The following OSBPL1A variants were observed in gnomAD, a reference collection of about 807,000 sequenced individuals.
OSBPL1A encodes the protein oxysterol-binding protein-related protein 1.
In OSBPL1A, 80 loss-of-function variants were observed where a neutral mutation model predicts 137.1. The observed-to-expected ratio is 0.58, with a 90% CI of 0.49 to 0.70. The LOEUF is 0.70. OSBPL1A is among the 30% of genes least tolerant of loss of function. The probability of loss-of-function intolerance (pLI) is 0.00; values close to 1 mark genes in which losing one functional copy is unlikely to be tolerated. For synonymous variants in OSBPL1A, 365 were observed against 389.7 expected (o/e 0.94, Z 0.75); for missense variants, 970 against 1,129.4 (o/e 0.86, Z 2.02).
intron 1 of OSBPL1A, among the ~76,000 whole-genome samples, chr18:24,382,234 TAAAA>T (rs549411882): frequency 8.5e-5 from 10 of 117,694 alleles, no homozygotes; most frequent in Admixed American, 1.7e-4. Flanking sequence ...ACGTCTCTAC[TAAAA>T]AAAAAAAAAA....
intron 18 of OSBPL1A, among the ~76,000 whole-genome samples, chr18:24,185,809 C>T (rs954619781): frequency 6.6e-6 from 1 of 152,156 alleles, no homozygotes; most frequent in African/African-American, 2.4e-5. Flanking sequence ...TGGTGGCTCA[C>T]ATGTGTAATC....
chr18:24,167,757 G>A (rs970167372), intron 24 of OSBPL1A, among the ~76,000 whole-genome samples: 6 of 152,210 alleles, frequency 3.9e-5, no homozygotes, highest in African/African-American at 1.2e-4. Context: ...GCGCAATGAT[G>A]AAATCACCTA....
rs2086027988 is a variant in OSBPL1A, at chr18:24,162,084, A to AGAT, written c.*1092_*1094dup. The AGAT allele has an allele frequency of 6.6e-6, 1 of 152,326 alleles. No individual in the cohort carries two copies. Among genetic ancestry groups the AGAT allele is most frequent in the Non-Finnish European group, 1.5e-5 (1 of 68,108 alleles). The allele number at this position is 152,326 out of a possible 1,614,324, so 9.4% of individuals were successfully genotyped here. On this transcript the variant is annotated 3_prime_UTR_variant, in exon 28 of 28. Coordinates refer to ENST00000319481, the MANE Select transcript of OSBPL1A (RefSeq NM_080597.4). ...CTAAAGCCTTTATTTAGCATCAGGTAGATTATTTCATTATAACACTTGTTA... is the reference window on the plus strand; with the variant it reads ...CTAAAGCCTTTATTTAGCATCAGGTAGATGATTATTTCATTATAACACTTGTTA...
chr18:24,222,133 TAA>T (rs1162759074), intron 17 of OSBPL1A, among the ~76,000 whole-genome samples: 2 of 152,204 alleles, frequency 1.3e-5, no homozygotes, highest in Non-Finnish European at 2.9e-5. Flanking sequence ...TCAAGTAGTT[TAA>T]GTTTTAACCA....
At chr18:24,351,418 C>T in intron 4 of OSBPL1A, among the ~76,000 whole-genome samples, 1 of 145,468 alleles carries the variant, frequency 6.9e-6, no homozygotes, top group South Asian at 2.2e-4. Context: ...AATTACATGA[C>T]ATATATGATC....
At chr18:24,333,512 G>C (rs1363420062) in intron 6 of OSBPL1A, among the ~76,000 whole-genome samples, 1 of 152,184 alleles carries the variant, frequency 6.6e-6, no homozygotes, top group Admixed American at 6.5e-5. Flanking sequence ...TGAATTTGTT[G>C]TTCCCAACTT....
intron 4 of OSBPL1A, among the ~76,000 whole-genome samples, chr18:24,342,599 C>G (rs1197889858): frequency 1.3e-5 from 2 of 152,130 alleles, no homozygotes; most frequent in Non-Finnish European, 2.9e-5. Context: ...CCATGACGTC[C>G]ATTTCCTACA....
intron 4 of OSBPL1A, among the ~76,000 whole-genome samples, chr18:24,360,921 T>C (rs995251977): frequency 6.6e-6 from 1 of 152,200 alleles, no homozygotes; most frequent in Non-Finnish European, 1.5e-5. Flanking sequence ...CTGGAATAAA[T>C]GGGTAAATAA....
chr18:24,353,377 C>T (rs1052199140), intron 4 of OSBPL1A, among the ~76,000 whole-genome samples: 1 of 152,188 alleles, frequency 6.6e-6, no homozygotes, highest in African/African-American at 2.4e-5. Context: ...GATACCATCT[C>T]ACACCACTTA....
chr18:24,220,723 G>A (rs1219137950), intron 17 of OSBPL1A, among the ~76,000 whole-genome samples: 1 of 152,120 alleles, frequency 6.6e-6, no homozygotes, highest in Non-Finnish European at 1.5e-5. Flanking sequence ...CTCTGGGTGG[G>A]GTGACTTGCT....
At chr18:24,306,826 T>A (rs1363608192) in intron 13 of OSBPL1A, among the ~76,000 whole-genome samples, 1 of 152,216 alleles carries the variant, frequency 6.6e-6, no homozygotes, top group African/African-American at 2.4e-5. Flanking sequence ...TCAATATTAA[T>A]TCAAACTTTA....
At chr18:24,358,356 A>C (rs1323538512) in intron 4 of OSBPL1A, 1 of 652,238 alleles carries the variant, frequency 1.5e-6, no homozygotes, top group Admixed American at 2.4e-5. Flanking sequence ...CTTCGCACAC[A>C]GCAGAAAGGC....
At chr18:24,263,741 T>C (rs1234004512) in intron 15 of OSBPL1A, among the ~76,000 whole-genome samples, 3 of 152,186 alleles carry the variant, frequency 2.0e-5, no homozygotes, top group African/African-American at 7.2e-5. Flanking sequence ...GTTCAAGTGA[T>C]TCTCCTGCCT....
intron 15 of OSBPL1A, among the ~76,000 whole-genome samples, chr18:24,261,008 C>A (rs2089433451): frequency 6.6e-6 from 1 of 151,972 alleles, no homozygotes; most frequent in African/African-American, 2.4e-5. Context: ...ACCTAAATAT[C>A]CATCAACATG....
At chr18:24,217,721 T>C (rs2145976865) in intron 17 of OSBPL1A, among the ~76,000 whole-genome samples, 1 of 152,262 alleles carries the variant, frequency 6.6e-6, no homozygotes, top group African/African-American at 2.4e-5. Context: ...ATGTGTCAGA[T>C]TGTCAATGAC....
chr18:24,223,992 C>G (rs754487427), intron 17 of OSBPL1A, among the ~76,000 whole-genome samples: 38 of 152,222 alleles, frequency 2.5e-4, no homozygotes, highest in East Asian at 1.5e-3. Context: ...CTGATAGTAA[C>G]TACAGAGGGA....
chr18:24,171,105 G>T (rs1208018389), intron 23 of OSBPL1A, among the ~76,000 whole-genome samples: 1 of 151,710 alleles, frequency 6.6e-6, no homozygotes, highest in Non-Finnish European at 1.5e-5. Context: ...TGCGATCTCG[G>T]CTCACTGCAA....
chr18:24,210,406 C>T (rs967124691), intron 17 of OSBPL1A, among the ~76,000 whole-genome samples: 4 of 151,828 alleles, frequency 2.6e-5, no homozygotes, highest in African/African-American at 9.7e-5. Flanking sequence ...CTACTGCACT[C>T]CAGCCTGGGT....
intron 17 of OSBPL1A, among the ~76,000 whole-genome samples, chr18:24,207,389 T>G (rs568622042): frequency 2.8e-4 from 42 of 152,362 alleles, no homozygotes; most frequent in African/African-American, 9.9e-4. Context: ...CAGCCTCTTA[T>G]GTCACTTAAA....
Sources: allele counts gnomAD v4.1 joint callset (sites outside exome capture counted in the v4.1 genomes callset), GRCh38; gene constraint gnomAD v4.1.1; transcripts MANE v1.5; gene names NCBI Gene and HGNC (gene_info 2026-07-23, HGNC 2026-07-21).